Variants in NKAIN3 observed in about 807,000 individuals in gnomAD.
The protein encoded by NKAIN3 is sodium/potassium transporting ATPase interacting 3.
NKAIN3 carries 25 observed loss-of-function variants against 30.2 expected under a neutral mutation model. The observed-to-expected ratio is 0.83, with a 90% CI of 0.60 to 1.16. The LOEUF is 1.16. NKAIN3 is among the 50% of genes most tolerant of loss of function. The pLI is 0.00. For synonymous variants in NKAIN3, 91 were observed against 89.6 expected, an observed-to-expected ratio of 1.02 and a Z score of -0.09; for missense variants, 225 against 254.1, an observed-to-expected ratio of 0.89 and a Z score of 0.78.
chr8:62,888,467 AGTTTTCTACCCGGTTTAG>A (rs1821210233), intron 4 of NKAIN3, among the ~76,000 whole-genome samples: 1 of 152,124 alleles, frequency 6.6e-6, no homozygotes, highest in Non-Finnish European at 1.5e-5. Context: ...TACGGTCCAA[AGTTTTCTACCCGGTTTAG>A]GTTTCTGTTC....
At chr8:62,548,365 A>G (rs1809083403) in intron 1 of NKAIN3, among the ~76,000 whole-genome samples, 1 of 152,220 alleles carries the variant, frequency 6.6e-6, no homozygotes, top group Non-Finnish European at 1.5e-5. Flanking sequence ...AATGGTGATC[A>G]AATATATTTT....
In NKAIN3 at chr8:62,395,372, G is replaced by C. The variant is rs554961321; in HGVS notation, c.54+146245G>C. ...CCCAGACCGAGGGAGGTGGTGGTGGGGGGTGGCCCGGCAGAAGCGCTCTTC... is the reference window on the plus strand; with the variant it reads ...CCCAGACCGAGGGAGGTGGTGGTGGCGGGTGGCCCGGCAGAAGCGCTCTTC... On this transcript the variant is annotated intron_variant, in intron 1 of 6. Transcript: ENST00000623646. Among the ~76,000 whole-genome samples the C allele has an allele frequency of 6.6e-5, 10 of 152,254 alleles. No homozygotes were observed. In the South Asian group the frequency reaches 2.1e-3, roughly 32 times the overall value.
intron 1 of NKAIN3, among the ~76,000 whole-genome samples, chr8:62,577,536 C>CT (rs35130487): frequency 0.033 from 3,721 of 111,164 alleles, 90 homozygotes; most frequent in African/African-American, 0.073. Flanking sequence ...TCAGGGTTTC[C>CT]TTTTTTTTTT....
intron 4 of NKAIN3, among the ~76,000 whole-genome samples, chr8:62,789,989 G>C (rs1817650708): frequency 6.6e-6 from 1 of 152,052 alleles, no homozygotes; most frequent in African/African-American, 2.4e-5. Context: ...TGATACCAAA[G>C]CCTGGCAGAG....
rs552961861 is a variant in NKAIN3, at chr8:62,421,981, C to T, written c.55-157558C>T. 1.2e-4 allele frequency among the ~76,000 whole-genome samples: 18 copies of T among 152,114 alleles called. No individual in the cohort carries two copies. The South Asian group carries it at 3.5e-3, about 30-fold the overall frequency. On this transcript the variant is annotated intron_variant, in intron 1 of 6. Coordinates refer to ENST00000623646, the MANE Select transcript of NKAIN3 (RefSeq NM_001304533.3). ...CACACAGTGGCTCAGAGAACCATCGCGGTGAACAGGAATCTGCATTAACAG... is the reference window on the plus strand; with the variant it reads ...CACACAGTGGCTCAGAGAACCATCGTGGTGAACAGGAATCTGCATTAACAG...
chr8:62,552,155 A>G (rs1369572182), intron 1 of NKAIN3, among the ~76,000 whole-genome samples: 4 of 152,188 alleles, frequency 2.6e-5, no homozygotes, highest in African/African-American at 4.8e-5. Flanking sequence ...CTACATTTAC[A>G]TATCATGATC....
At chr8:62,445,773 C>A (rs561380170) in intron 1 of NKAIN3, among the ~76,000 whole-genome samples, 1 of 152,216 alleles carries the variant, frequency 6.6e-6, no homozygotes, top group Admixed American at 6.5e-5. Flanking sequence ...AATCTACCTT[C>A]AAAATAGGAG....
chr8:62,659,210 C>T (rs1163171609), intron 3 of NKAIN3, among the ~76,000 whole-genome samples: 1 of 152,170 alleles, frequency 6.6e-6, no homozygotes, highest in Non-Finnish European at 1.5e-5. Flanking sequence ...ACTGAGCTGG[C>T]CTCCAAGAGT....
chr8:62,440,462 A>G (rs1462375776), intron 1 of NKAIN3, among the ~76,000 whole-genome samples: 4 of 152,152 alleles, frequency 2.6e-5, no homozygotes, highest in Non-Finnish European at 4.4e-5. Context: ...TTAGAAAATA[A>G]AAGTTCCCTC....
chr8:62,350,708 T>G (rs1816153530), intron 1 of NKAIN3, among the ~76,000 whole-genome samples: 2 of 152,224 alleles, frequency 1.3e-5, no homozygotes, highest in African/African-American at 4.8e-5. Flanking sequence ...TTTATTTATT[T>G]GAGACAGAGT....
At chr8:62,899,686 G>A (rs1285776355) in intron 4 of NKAIN3, among the ~76,000 whole-genome samples, 2 of 152,074 alleles carry the variant, frequency 1.3e-5, no homozygotes, top group African/African-American at 4.8e-5. Context: ...AGCATAACAG[G>A]GTGACTATAG....
intron 3 of NKAIN3, among the ~76,000 whole-genome samples, chr8:62,741,377 A>C (rs759857215): frequency 0.086 from 11,618 of 134,754 alleles, 655 homozygotes; most frequent in Non-Finnish European, 0.12. Flanking sequence ...GAAGGAAGGA[A>C]GGAAGGAAGG....
In NKAIN3 at chr8:62,803,314, T is replaced by C. The variant is rs534350944; in HGVS notation, c.471+56185T>C. 6.5e-3 allele frequency among the ~76,000 whole-genome samples: 981 copies of C among 152,092 alleles called. 10 individuals are homozygous for C. The highest frequency in any genetic ancestry group is 0.022 in the African/African-American group (920 of 41,492). On this transcript the variant is annotated intron_variant, in intron 4 of 6. Transcript: ENST00000623646. The stretch of plus-strand genomic sequence containing the variant: ...ACCCCAAATCAACAGAATATACATT[T>C]TTTTCAGCACCACACCACACCTATT...
chr8:62,682,524 G>T (rs983101597), intron 3 of NKAIN3, among the ~76,000 whole-genome samples: 1 of 152,182 alleles, frequency 6.6e-6, no homozygotes, highest in Non-Finnish European at 1.5e-5. Flanking sequence ...GTGGGCAGGT[G>T]GGGAGGCATG....
intron 4 of NKAIN3, among the ~76,000 whole-genome samples, chr8:62,815,649 G>A (rs1303892180): frequency 1.3e-5 from 2 of 152,084 alleles, no homozygotes; most frequent in Non-Finnish European, 2.9e-5. Flanking sequence ...ATGCAGAAAA[G>A]GCCTTTGACA....
intron 3 of NKAIN3, among the ~76,000 whole-genome samples, chr8:62,622,964 T>C (rs939322221): frequency 1.3e-5 from 2 of 151,986 alleles, no homozygotes; most frequent in Non-Finnish European, 2.9e-5. Context: ...ATTTCTCATA[T>C]AAGATAAAAT....
chr8:62,412,908 T>TAA (rs1563387359), intron 1 of NKAIN3, among the ~76,000 whole-genome samples: 2 of 75,880 alleles, frequency 2.6e-5, no homozygotes, highest in African/African-American at 4.7e-5. Context: ...TGAGACTCCG[T>TAA]CAAAAAAAAA....
chr8:62,579,357 G>T (rs35489938), intron 1 of NKAIN3, among the ~76,000 whole-genome samples, 182 bp from the exon 2 acceptor site: 1 of 151,734 alleles, frequency 6.6e-6, no homozygotes, highest in Admixed American at 6.6e-5. Flanking sequence ...AACTATCTTA[G>T]TATATTTTGA....
At chr8:62,268,782 T>C (rs1225805012) in intron 1 of NKAIN3, among the ~76,000 whole-genome samples, 2 of 152,122 alleles carry the variant, frequency 1.3e-5, no homozygotes, top group Non-Finnish European at 2.9e-5. Flanking sequence ...TGAATGTCTA[T>C]ACCCAGGTTC....
Sources: gnomAD v4.1 joint callset for allele counts (sites outside exome capture counted in the v4.1 genomes callset) on GRCh38, gnomAD v4.1.1 for gene constraint, MANE v1.5 for transcripts, NCBI Gene and HGNC (gene_info 2026-07-23, HGNC 2026-07-21) for gene names.